The following FER1L6 variants were observed in gnomAD, a reference collection of about 807,000 sequenced individuals.
FER1L6 encodes the protein fer-1-like protein 6.
A neutral mutation model predicts 219.2 loss-of-function variants in FER1L6; 177 were observed. That is an observed-to-expected ratio of 0.81 (90% confidence interval 0.71 to 0.91). FER1L6 has a LOEUF of 0.91. Ranked by LOEUF, FER1L6 falls within the 40% of genes least tolerant of loss-of-function variation. The pLI is 0.00. For synonymous variants in FER1L6, 768 were observed against 824.3 expected, an observed-to-expected ratio of 0.93 and a Z score of 1.17; for missense variants, 2,153 against 2,259.9, an observed-to-expected ratio of 0.95 and a Z score of 0.96.
At chr8:123,857,504 T>G (rs1056999798) in intron 1 of FER1L6, among the ~76,000 whole-genome samples, 30 of 152,156 alleles carry the variant, frequency 2.0e-4, no homozygotes, top group Admixed American at 2.0e-3. Flanking sequence ...GGTGAGACAC[T>G]ATCTCAGAAA....
Position 123,963,315 on chromosome 8 carries a change from T to C in FER1L6, c.114T>C (p.Pro38=). The C allele has an allele frequency of 6.2e-7, 1 of 1,614,114 alleles. No homozygotes were observed. The highest frequency in any genetic ancestry group is 2.2e-5 in the East Asian group (1 of 44,876). The change falls in exon 3 of 41, where the codon CCT becomes CCC. Residue 38 remains proline (P), a synonymous_variant. Coordinates refer to ENST00000522917, the MANE Select transcript of FER1L6 (RefSeq NM_001039112.2). ...QGDTEALQEE[P]SHQEGPRGDL... The stretch of plus-strand genomic sequence containing the variant: ...ACACTGAAGCACTGCAGGAGGAGCC[T>C]TCTCACCAGGAAGGACCGAGAGGAG...
intron 6 of FER1L6, among the ~76,000 whole-genome samples, chr8:123,973,083 A>G (rs1358135607): frequency 6.6e-6 from 1 of 152,186 alleles, no homozygotes. Flanking sequence ...GAACACTTTC[A>G]GTTTGGGGGG....
chr8:123,982,840 TC>T (rs937543823), intron 11 of FER1L6, among the ~76,000 whole-genome samples: 2 of 152,190 alleles, frequency 1.3e-5, no homozygotes, highest in African/African-American at 4.8e-5. Flanking sequence ...GGAGGCCTCA[TC>T]CTCATTCTGT....
chr8:123,919,376 A>G (rs1022647569), intron 1 of FER1L6, among the ~76,000 whole-genome samples: 3 of 152,206 alleles, frequency 2.0e-5, no homozygotes, highest in African/African-American at 7.2e-5. Context: ...TGTAAAGTAA[A>G]GATGTCTAGG....
intron 1 of FER1L6, among the ~76,000 whole-genome samples, chr8:123,916,395 G>A (rs1450533567): frequency 6.6e-6 from 1 of 152,270 alleles, no homozygotes; most frequent in African/African-American, 2.4e-5. Context: ...ATGTCTCATG[G>A]ATTTTTTGAG....
At chr8:123,923,062 A>T (rs974295333) in intron 1 of FER1L6, among the ~76,000 whole-genome samples, 4 of 152,098 alleles carry the variant, frequency 2.6e-5, no homozygotes, top group Non-Finnish European at 4.4e-5. Context: ...GTTGCTCACC[A>T]CATTTCTGCC....
chr8:124,066,709 G>A (rs1302053998), intron 27 of FER1L6, among the ~76,000 whole-genome samples, 159 bp downstream of exon 27: 2 of 152,206 alleles, frequency 1.3e-5, no homozygotes, highest in Non-Finnish European at 2.9e-5. Flanking sequence ...AAGCCTGGAA[G>A]AACCAGAGAT....
Position 123,853,683 on chromosome 8 carries a change from G to A in FER1L6, c.-8+1498G>A, listed in dbSNP as rs1816569039. On this transcript the variant is annotated intron_variant, in intron 1 of 40. Transcript: ENST00000522917. This position sits in a 1 kb window ranked among gnomAD's most constrained non-coding sequence, Gnocchi z 6.6. ...ACATATTTTGAGAGAACCTATCCAAGTTGCACGTATGCAGGTGACATGCTC... is the reference window on the plus strand; with the variant it reads ...ACATATTTTGAGAGAACCTATCCAAATTGCACGTATGCAGGTGACATGCTC... Among the ~76,000 whole-genome samples the A allele has an allele frequency of 6.6e-6, 1 of 152,212 alleles. No homozygotes were observed. The highest frequency in any genetic ancestry group is 6.5e-5 in the Admixed American group (1 of 15,284).
intron 26 of FER1L6, among the ~76,000 whole-genome samples, chr8:124,066,224 C>T (rs546546103): frequency 1.3e-5 from 2 of 152,296 alleles, no homozygotes; most frequent in African/African-American, 4.8e-5. Context: ...TCAATAAATG[C>T]TAAATGAATG....
At chr8:123,935,947 C>A (rs1320107798) in intron 1 of FER1L6, among the ~76,000 whole-genome samples, 33 of 143,154 alleles carry the variant, frequency 2.3e-4, no homozygotes, top group South Asian at 2.2e-4. Flanking sequence ...CTGGCTAATG[C>A]AAAAAAAAAA....
At chr8:123,873,204 C>T (rs537148971) in intron 1 of FER1L6, among the ~76,000 whole-genome samples, 2 of 152,314 alleles carry the variant, frequency 1.3e-5, no homozygotes, top group African/African-American at 4.8e-5. Flanking sequence ...ATGTCAGTCA[C>T]CTCAGGCAGA....
At chr8:123,880,620 A>G (rs1266545971) in intron 1 of FER1L6, among the ~76,000 whole-genome samples, 17 of 152,114 alleles carry the variant, frequency 1.1e-4, no homozygotes, top group Non-Finnish European at 5.9e-5. Context: ...AGTGGTTTCT[A>G]TTACTTCAGC....
Position 124,003,318 on chromosome 8 carries a change from G to A in FER1L6, c.1671G>A (p.Pro557=), listed in dbSNP as rs371994179. ...VPIPMASTTH[P]EKPLVTEGNR... ...TTCCTATGGCCTCCACCACTCACCC[G>A]GAGAAGCCACTGGTGACAGAAGGGA... Residue 557 remains proline (P), a synonymous_variant, in exon 13 of 41, where the codon CCG becomes CCA. Transcript: ENST00000522917. The A allele has an allele frequency of 3.7e-5, 60 of 1,613,320 alleles. No homozygotes were observed. The highest frequency in any genetic ancestry group is 1.1e-4 in the East Asian group (5 of 44,898).
chr8:123,979,035 T>C (rs1261124683), intron 10 of FER1L6, among the ~76,000 whole-genome samples: 2 of 152,182 alleles, frequency 1.3e-5, no homozygotes. Flanking sequence ...TTTCTATCCT[T>C]TTCAATACAA....
chr8:123,961,526 AT>A (rs1280450858), intron 2 of FER1L6, among the ~76,000 whole-genome samples: 1 of 152,180 alleles, frequency 6.6e-6, no homozygotes, highest in African/African-American at 2.4e-5. Flanking sequence ...CCAGGTGCCC[AT>A]TTTGATGGTC....
intron 22 of FER1L6, among the ~76,000 whole-genome samples, chr8:124,059,397 G>A (rs1820455669): frequency 6.6e-6 from 1 of 151,988 alleles, no homozygotes; most frequent in African/African-American, 2.4e-5. Flanking sequence ...GCATTGAATG[G>A]TAGAAGCAGC....
At chr8:123,905,573 G>T (rs779213687) in intron 1 of FER1L6, among the ~76,000 whole-genome samples, 3 of 152,200 alleles carry the variant, frequency 2.0e-5, no homozygotes, top group African/African-American at 4.8e-5. Flanking sequence ...CTAAAGGAAT[G>T]CTGCTAGTGT....
chr8:123,935,422 G>A (rs532680223), intron 1 of FER1L6, among the ~76,000 whole-genome samples: 9 of 152,156 alleles, frequency 5.9e-5, no homozygotes, highest in East Asian at 1.9e-4. Flanking sequence ...TGAACTAAGC[G>A]TCTAAGCTCT....
chr8:123,950,487 G>T (rs1814710399), intron 1 of FER1L6, among the ~76,000 whole-genome samples: 1 of 152,208 alleles, frequency 6.6e-6, no homozygotes, highest in Non-Finnish European at 1.5e-5. Context: ...GCTATGAGAG[G>T]CTGGCTTAAT....
Sources: gnomAD v4.1 joint callset for allele counts (sites outside exome capture counted in the v4.1 genomes callset) on GRCh38, gnomAD v4.1.1 for gene constraint, Gnocchi (gnomAD v3.1) non-coding constraint, MANE v1.5 for transcripts, NCBI Gene and HGNC (gene_info 2026-07-23, HGNC 2026-07-21) for gene names.